The following KLHL1 variants were observed in gnomAD, a reference collection of about 807,000 sequenced individuals.
KLHL1 encodes kelch-like protein 1.
Under a neutral mutation model 77.7 loss-of-function variants are expected in KLHL1, and 47 were observed. The observed-to-expected ratio is 0.60, with a 90% confidence interval of 0.48 to 0.77. The LOEUF (loss-of-function observed/expected upper bound fraction) is 0.77. Among genes scored for constraint, KLHL1 ranks in the 30% least tolerant of loss-of-function variants. The probability of loss-of-function intolerance (pLI) is 0.00; values close to 1 mark genes in which losing one functional copy is unlikely to be tolerated. For synonymous variants in KLHL1, 360 were observed against 325.2 expected, an observed-to-expected ratio of 1.11 and a Z score of -1.15; for missense variants, 925 against 910.8, an observed-to-expected ratio of 1.02 and a Z score of -0.20.
rs1316398623 is a variant in KLHL1 at position 69,818,219 on chromosome 13, C to CTTTTTTTTTTTTTTTTTTTTTTTTTTTT, written c.1414+20756_1414+20757insAAAAAAAAAAAAAAAAAAAAAAAAAAAA. Among the ~76,000 whole-genome samples, 52 of 112,882 alleles carry CTTTTTTTTTTTTTTTTTTTTTTTTTTTT rather than the reference C, an allele frequency of 4.6e-4. 4 individuals carry two copies. Among genetic ancestry groups the CTTTTTTTTTTTTTTTTTTTTTTTTTTTT allele is most frequent in the African/African-American group, 9.2e-4 (23 of 25,110 alleles). The allele number at this position is 112,882 out of a possible 152,430, so 74.1% of individuals were successfully genotyped here. On this transcript the variant is annotated intron_variant, in intron 6 of 10. Coordinates refer to ENST00000377844, the MANE Select transcript of KLHL1 (RefSeq NM_020866.3). ...AGAATTTAACTTAACTCATAGGCATCTTTTTTTTTTTTTTTTTTTTGAGAC... is the reference window on the plus strand; with the variant it reads ...AGAATTTAACTTAACTCATAGGCATCTTTTTTTTTTTTTTTTTTTTTTTTTTTTTTTTTTTTTTTTTTTTTTTTGAGAC...
chr13:69,823,383 G>GA (rs564134335), intron 6 of KLHL1, among the ~76,000 whole-genome samples: 26 of 152,004 alleles, frequency 1.7e-4, no homozygotes, highest in Non-Finnish European at 2.8e-4. Context: ...TGAATATCAT[G>GA]CACCCAAAGG....
chr13:69,902,909 A>G (rs1401179872), intron 4 of KLHL1, among the ~76,000 whole-genome samples: 2 of 134,680 alleles, frequency 1.5e-5, no homozygotes, highest in East Asian at 3.9e-4. Context: ...GTATAATAAA[A>G]AATAAATAAA....
intron 1 of KLHL1, among the ~76,000 whole-genome samples, chr13:69,997,033 C>T (rs986263642): frequency 7.2e-6 from 1 of 139,374 alleles, no homozygotes; most frequent in Non-Finnish European, 1.5e-5. Flanking sequence ...CCAACCTGGT[C>T]AACATGGTGA....
intron 6 of KLHL1, among the ~76,000 whole-genome samples, chr13:69,805,958 A>AC (rs1325797950): frequency 6.6e-6 from 1 of 151,988 alleles, no homozygotes; most frequent in African/African-American, 2.4e-5. Flanking sequence ...AGGGGAAAAA[A>AC]CCCTATCAGA....
chr13:70,107,706 C>G lies in KLHL1; in HGVS notation c.-7G>C. ...TTCGCCCAGAGCCTGACATGCTTTA[C>G]GCACAGAAGGCAAAAGGCTGGCAGC... On this transcript the variant is annotated 5_prime_UTR_variant, in exon 1 of 11. Coordinates refer to ENST00000377844, the MANE Select transcript of KLHL1 (RefSeq NM_020866.3). The G allele has an allele frequency of 6.6e-7, 1 of 1,514,190 alleles. No homozygotes were observed. Among genetic ancestry groups the G allele is most frequent in the Non-Finnish European group, 8.8e-7 (1 of 1,136,160 alleles). 93.8% of individuals were successfully genotyped at this position (1,514,190 alleles called of 1,614,324 possible).
intron 1 of KLHL1, among the ~76,000 whole-genome samples, chr13:70,041,073 T>C (rs1329606796): frequency 6.6e-6 from 1 of 152,182 alleles, no homozygotes. Flanking sequence ...TAATTGTATA[T>C]TGTATAATTT....
intron 5 of KLHL1, among the ~76,000 whole-genome samples, chr13:69,855,907 ATTATATG>A (rs1879898291): frequency 1.5e-5 from 2 of 135,188 alleles, no homozygotes; most frequent in Non-Finnish European, 3.2e-5. Flanking sequence ...TTTTATATAT[ATTATATG>A]TTATAACATA....
intron 1 of KLHL1, among the ~76,000 whole-genome samples, chr13:70,047,531 A>C: frequency 6.6e-6 from 1 of 152,140 alleles, no homozygotes; most frequent in East Asian, 1.9e-4. Flanking sequence ...CTGTTTCTCA[A>C]TAATAATGTA....
intron 7 of KLHL1, among the ~76,000 whole-genome samples, chr13:69,789,946 G>T (rs76800548): frequency 7.2e-5 from 11 of 152,020 alleles, no homozygotes; most frequent in African/African-American, 2.7e-4. Context: ...AGGCAGAGAC[G>T]CCAGCTGAAG....
intron 7 of KLHL1, among the ~76,000 whole-genome samples, chr13:69,785,301 C>T (rs1566250823): frequency 6.6e-6 from 1 of 152,156 alleles, no homozygotes. Flanking sequence ...TTATAACGAA[C>T]TGTCTCTCAC....
At position 69,967,328 on chromosome 13, in the gene KLHL1, G is replaced by A. The variant is rs75161577; in HGVS notation, c.681-5884C>T. 3.6e-3 allele frequency among the ~76,000 whole-genome samples: 551 copies of A among 152,268 alleles called. 4 individuals are homozygous for A. The highest frequency in any genetic ancestry group is 0.012 in the African/African-American group (499 of 41,564). On this transcript the variant is annotated intron_variant, in intron 2 of 10. Coordinates refer to ENST00000377844, the MANE Select transcript of KLHL1 (RefSeq NM_020866.3). ...AAATAACAACTAGTTTGGAAAAAGAGAAGATTCCAACCCTCATATATGACT... is the reference window on the plus strand; with the variant it reads ...AAATAACAACTAGTTTGGAAAAAGAAAAGATTCCAACCCTCATATATGACT...
intron 3 of KLHL1, among the ~76,000 whole-genome samples, chr13:69,953,808 C>T (rs1343792043): frequency 6.6e-6 from 1 of 151,072 alleles, no homozygotes; most frequent in Admixed American, 6.6e-5. Context: ...AGTGAATATC[C>T]TCTCCCAGTT....
At chr13:69,965,391 G>A (rs893336732) in intron 2 of KLHL1, among the ~76,000 whole-genome samples, 5 of 152,072 alleles carry the variant, frequency 3.3e-5, no homozygotes, top group African/African-American at 1.2e-4. Flanking sequence ...TTGTTTGGCG[G>A]TGTCATAAAC....
intron 1 of KLHL1, among the ~76,000 whole-genome samples, chr13:70,082,155 T>G (rs781177429): frequency 3.9e-5 from 6 of 152,152 alleles, no homozygotes; most frequent in Non-Finnish European, 8.8e-5. Flanking sequence ...GAGAGCTCCC[T>G]GGCCATGGCT....
chr13:69,992,032 C>T (rs1885040989), intron 1 of KLHL1, among the ~76,000 whole-genome samples: 1 of 151,930 alleles, frequency 6.6e-6, no homozygotes, highest in East Asian at 1.9e-4. Flanking sequence ...CACCTCAGAC[C>T]TAATGAATCA....
intron 7 of KLHL1, among the ~76,000 whole-genome samples, chr13:69,759,752 A>G (rs1340436964): frequency 6.6e-6 from 1 of 152,160 alleles, no homozygotes; most frequent in Non-Finnish European, 1.5e-5. Flanking sequence ...AAGATAGAAA[A>G]TTTATATCTC....
In KLHL1 at chr13:70,041,782, G is replaced by C. The variant is rs146277260; in HGVS notation, c.497+65421C>G. ...TCCCACATGGTCTCCACTGATTGAT[G>C]GGGAGTGGGAGGGCTTGGCCAGGGA... On this transcript the variant is annotated intron_variant, in intron 1 of 10. Transcript: ENST00000377844. Among the ~76,000 whole-genome samples the C allele has an allele frequency of 4.8e-3, 725 of 152,172 alleles. 2 individuals carry two copies. The highest frequency in any genetic ancestry group is 0.017 in the African/African-American group (699 of 41,530).
intron 8 of KLHL1, among the ~76,000 whole-genome samples, chr13:69,726,165 A>C (rs780072739): frequency 2.0e-5 from 3 of 152,162 alleles, no homozygotes; most frequent in Non-Finnish European, 4.4e-5. Flanking sequence ...AAATACTAGA[A>C]TGTTTTGCTA....
chr13:69,846,277 C>A (rs1224548303), intron 5 of KLHL1, among the ~76,000 whole-genome samples: 2 of 151,522 alleles, frequency 1.3e-5, no homozygotes, highest in African/African-American at 4.8e-5. Context: ...GCCCTATCTC[C>A]TTATAACCTT....
Sources: allele counts gnomAD v4.1 joint callset (sites outside exome capture counted in the v4.1 genomes callset), GRCh38; gene constraint gnomAD v4.1.1; transcripts MANE v1.5; gene names NCBI Gene and HGNC (gene_info 2026-07-23, HGNC 2026-07-21).